The following ZNF354C variants were observed in gnomAD, a reference collection of about 807,000 sequenced individuals.
The protein encoded by ZNF354C is KRAB-zinc finger protein synten.
In ZNF354C, 7 loss-of-function variants were observed where a neutral mutation model predicts 12.4. The observed-to-expected ratio is 0.56, with a 90% CI of 0.32 to 1.06. ZNF354C has a LOEUF of 1.06. ZNF354C is among the 50% of genes least tolerant of loss of function. The pLI is 0.04. For synonymous variants in ZNF354C, 202 were observed against 224.5 expected, an observed-to-expected ratio of 0.90 and a Z score of 0.90; for missense variants, 609 against 658.0, an observed-to-expected ratio of 0.93 and a Z score of 0.81.
intron 2 of ZNF354C, among the ~76,000 whole-genome samples, chr5:179,068,148 G>C (rs1380721095): frequency 6.9e-6 from 1 of 145,598 alleles, no homozygotes; most frequent in African/African-American, 2.5e-5. Flanking sequence ...CTAGGCAACA[G>C]AGTGAGACCC....
At position 179,080,915 on chromosome 5, in the gene ZNF354C, T is replaced by G. The variant is rs1762219075; in HGVS notation, c.*818T>G. ...CAGAAGGGATGTATTTGGCAGAATC[T>G]CAGGCTGCATGTCTGGTAGCTCATT... On this transcript the variant is annotated 3_prime_UTR_variant, in exon 5 of 5. Transcript: ENST00000315475. 1.3e-5 allele frequency: 2 copies of G among 152,222 alleles called. No homozygotes were observed. Among genetic ancestry groups the G allele is most frequent in the South Asian group, 4.1e-4 (2 of 4,834 alleles). 9.4% of individuals were successfully genotyped at this position (152,222 alleles called of 1,614,324 possible).
At chr5:179,062,862 CTTT>C (rs940096847) in intron 2 of ZNF354C, among the ~76,000 whole-genome samples, 17 of 152,158 alleles carry the variant, frequency 1.1e-4, no homozygotes, top group Non-Finnish European at 2.2e-4. Context: ...TACCTGGGCT[CTTT>C]TTTCTTGTTC....
intron 2 of ZNF354C, among the ~76,000 whole-genome samples, chr5:179,068,839 G>T (rs960626960): frequency 6.6e-6 from 1 of 152,182 alleles, no homozygotes; most frequent in Non-Finnish European, 1.5e-5. Flanking sequence ...CCAAGATCAA[G>T]GTGTGGGCAA....
At chr5:179,075,812 T>C (rs1762111862) in intron 2 of ZNF354C, among the ~76,000 whole-genome samples, 1 of 152,258 alleles carries the variant, frequency 6.6e-6, no homozygotes, top group Admixed American at 6.5e-5. Context: ...ATAAATGTAC[T>C]GAAATTTGCT....
chr5:179,065,417 TG>T (rs1400873278), intron 2 of ZNF354C, among the ~76,000 whole-genome samples: 28 of 151,986 alleles, frequency 1.8e-4, no homozygotes, highest in African/African-American at 5.6e-4. Context: ...TTTTTGTTTT[TG>T]TTTTTTTGTT....
At chr5:179,077,240 G>C in intron 4 of ZNF354C, 74 bp downstream of exon 4, 1 of 1,189,082 alleles carries the variant, frequency 8.4e-7, no homozygotes, top group South Asian at 1.3e-5. Flanking sequence ...CAGTTCTTGG[G>C]AAACTCTTGG....
At position 179,076,528 on chromosome 5, in the gene ZNF354C, C is replaced by T; in HGVS notation, c.111C>T (p.Tyr37=). ...LHLDSAQRAL[Y]REVMLENYSS... is the part of the protein sequence containing the mutation. ...TGGACTCTGCCCAGAGGGCCTTGTA[C>T]CGGGAGGTGATGCTGGAGAACTACA... Residue 37 remains tyrosine (Y), a synonymous_variant, in exon 3 of 5, where the codon TAC becomes TAT. Coordinates refer to ENST00000315475, the MANE Select transcript of ZNF354C (RefSeq NM_014594.3). The T allele has an allele frequency of 6.2e-7, 1 of 1,614,110 alleles. No homozygotes were observed. The highest frequency in any genetic ancestry group is 8.5e-7 in the Non-Finnish European group (1 of 1,180,024).
At chr5:179,066,752 T>C (rs1033488335) in intron 2 of ZNF354C, among the ~76,000 whole-genome samples, 1 of 152,176 alleles carries the variant, frequency 6.6e-6, no homozygotes, top group Non-Finnish European at 1.5e-5. Context: ...AAGATCTTTT[T>C]CCCTGTCTTC....
Position 179,082,959 on chromosome 5 carries a change from TCTTTC to T in ZNF354C, c.*2863_*2867del. 1 of 831,808 alleles carries T rather than the reference TCTTTC, an allele frequency of 1.2e-6. No individual in the cohort carries two copies. The highest frequency in any genetic ancestry group is 1.9e-5 in the Admixed American group (1 of 51,294). 51.5% of individuals were successfully genotyped at this position (831,808 alleles called of 1,614,324 possible). A position where few individuals can be genotyped will look rare whatever the true frequency, so the allele number is the denominator to read the frequency against. On this transcript the variant is annotated 3_prime_UTR_variant, in exon 5 of 5. Coordinates refer to ENST00000315475, the MANE Select transcript of ZNF354C (RefSeq NM_014594.3). ...CTGGAGCTCAAGGCCATCCTCAACT[TCTTTC>T]ATATGGAAAAAGAGCTTCTTGCTAT... is the stretch of plus-strand genomic sequence containing the variant.
chr5:179,073,749 G>A (rs1238206783), intron 2 of ZNF354C, among the ~76,000 whole-genome samples: 1 of 151,864 alleles, frequency 6.6e-6, no homozygotes, highest in African/African-American at 2.4e-5. Context: ...CAGCTTCCCT[G>A]GGTTCAAACA....
chr5:179,063,376 A>T (rs1429377446), intron 2 of ZNF354C, among the ~76,000 whole-genome samples: 1 of 152,202 alleles, frequency 6.6e-6, no homozygotes, highest in Non-Finnish European at 1.5e-5. Context: ...CCTGAGCAAC[A>T]TAGTGAGGCC....
Position 179,078,786 on chromosome 5 carries a change from T to C in ZNF354C, c.354T>C (p.Gly118=). 6.2e-7 allele frequency: 1 copy of C among 1,614,054 alleles called. No individual in the cohort carries two copies. The highest frequency in any genetic ancestry group is 2.2e-5 in the East Asian group (1 of 44,844). ...GMVKKESIKD[G]HWDINFEEAV... ...TAAAGAAAGAATCCATTAAGGATGG[T>C]CACTGGGACATTAACTTTGAAGAAG... Residue 118 remains glycine (G), a synonymous_variant, in exon 5 of 5, where the codon GGT becomes GGC. Transcript: ENST00000315475.
chr5:179,076,147 A>G (rs1394394434), intron 2 of ZNF354C, among the ~76,000 whole-genome samples: 1 of 152,140 alleles, frequency 6.6e-6, no homozygotes, highest in Non-Finnish European at 1.5e-5. Flanking sequence ...TGCTTCTGTC[A>G]TCACATCGCC....
intron 1 of ZNF354C, 94 bp from the exon 2 acceptor site, chr5:179,061,921 T>G: frequency 1.2e-6 from 1 of 866,002 alleles, no homozygotes; most frequent in Non-Finnish European, 1.9e-6. Context: ...GTGGCTTTTT[T>G]GAGACCTGAT....
chr5:179,064,692 G>A (rs766712222), intron 2 of ZNF354C, among the ~76,000 whole-genome samples: 40 of 152,006 alleles, frequency 2.6e-4, no homozygotes, highest in Admixed American at 1.3e-4. Context: ...GGGATTACAG[G>A]TGTGAGCCAC....
Position 179,083,711 on chromosome 5 carries a change from T to G in ZNF354C, c.*3614T>G, listed in dbSNP as rs2113133096. On this transcript the variant is annotated 3_prime_UTR_variant, in exon 5 of 5. Transcript: ENST00000315475. ...CTTTATCTCTCATGCTAAATGTAAC[T>G]AAGGCATGGAGCAGCTGTCTGGGGA... Among the ~76,000 whole-genome samples the G allele has an allele frequency of 6.6e-6, 1 of 152,334 alleles. No individual in the cohort carries two copies. The highest frequency in any genetic ancestry group is 6.5e-5 in the Admixed American group (1 of 15,304).
chr5:179,078,215 A>C (rs1762156267), intron 4 of ZNF354C, among the ~76,000 whole-genome samples: 1 of 152,238 alleles, frequency 6.6e-6, no homozygotes, highest in Admixed American at 6.5e-5. Context: ...ATTATCGGGC[A>C]TAGAGTTTCA....
rs758375055 is a variant in ZNF354C at position 179,079,940 on chromosome 5, A to G, written c.1508A>G (p.Lys503Arg). Reference sequence around the variant, plus strand: ...CTGTATAAATGTATGGAATGTGGGAAAGCCTACAGTTACAGATCAAACCTT... The same window carrying G: ...CTGTATAAATGTATGGAATGTGGGAGAGCCTACAGTTACAGATCAAACCTT... ...EKLYKCMECG[K>R]AYSYRSNLCR... Residue 503 changes from lysine (K) to arginine (R), a missense_variant, in exon 5 of 5, where the codon AAA becomes AGA. Coordinates refer to ENST00000315475, the MANE Select transcript of ZNF354C (RefSeq NM_014594.3). This position sits in a 1 kb window ranked among gnomAD's most constrained non-coding sequence, Gnocchi z 4.2. 3.5e-5 allele frequency: 57 copies of G among 1,613,946 alleles called. No individual in the cohort carries two copies. Among genetic ancestry groups the G allele is most frequent in the South Asian group, 2.0e-4 (18 of 91,046 alleles).
chr5:179,080,695 TGTA>T lies in ZNF354C; in HGVS notation c.*601_*603del, dbSNP rs1762215731. 6.6e-6 allele frequency: 1 copy of T among 152,152 alleles called. No homozygotes were observed. The highest frequency in any genetic ancestry group is 2.1e-4 in the South Asian group (1 of 4,826). The allele number at this position is 152,152 out of a possible 1,614,324, so 9.4% of individuals were successfully genotyped here. On this transcript the variant is annotated 3_prime_UTR_variant, in exon 5 of 5. Coordinates refer to ENST00000315475, the MANE Select transcript of ZNF354C (RefSeq NM_014594.3). Reference sequence around the variant, plus strand: ...ATAAAAGTCCTTTATTATTAAAAAATGTAGTTTTATTGATTTAGAATTTAGTTC... The same window carrying T: ...ATAAAAGTCCTTTATTATTAAAAAATGTTTTATTGATTTAGAATTTAGTTC...
Sources: gnomAD v4.1 joint callset for allele counts (sites outside exome capture counted in the v4.1 genomes callset) on GRCh38, gnomAD v4.1.1 for gene constraint, Gnocchi (gnomAD v3.1) non-coding constraint, MANE v1.5 for transcripts, NCBI Gene and HGNC (gene_info 2026-07-23, HGNC 2026-07-21) for gene names.